The following MAF variants were observed in gnomAD, a reference collection of about 807,000 sequenced individuals.
MAF encodes MAF bZIP transcription factor.
A neutral mutation model predicts 22.0 loss-of-function variants in MAF; 10 were observed. That is an observed-to-expected ratio of 0.45 (90% CI 0.28 to 0.77). The LOEUF (loss-of-function observed/expected upper bound fraction) is 0.77. Among genes scored for constraint, MAF ranks in the 30% least tolerant of loss-of-function variants. The pLI is 0.12. For synonymous variants in MAF, 337 were observed against 255.8 expected, an observed-to-expected ratio of 1.32 and a Z score of -3.03; for missense variants, 544 against 548.4, an observed-to-expected ratio of 0.99 and a Z score of 0.08.
the MAF span, among the ~76,000 whole-genome samples, chr16:79,246,218 A>T: frequency 0.12 from 18,376 of 151,652 alleles, 1,382 homozygotes; most frequent in Middle Eastern, 0.21. Context: ...AAAGAAAATT[A>T]AAAAAAAATC....
At chr16:79,484,446 C>A in the MAF span, among the ~76,000 whole-genome samples, 1 of 152,168 alleles carries the variant, frequency 6.6e-6, no homozygotes, top group East Asian at 1.9e-4. Context: ...GCCTTTCTGG[C>A]CACAGACACG....
the MAF span, among the ~76,000 whole-genome samples, chr16:79,376,164 G>T: frequency 2.6e-5 from 4 of 151,506 alleles, no homozygotes; most frequent in East Asian, 7.7e-4. Context: ...TTACTTCTTC[G>T]TATGTATTAA....
chr16:79,339,173 C>G, the MAF span, among the ~76,000 whole-genome samples: 1 of 152,100 alleles, frequency 6.6e-6, no homozygotes, highest in Non-Finnish European at 1.5e-5. Flanking sequence ...GGGTTCACGC[C>G]ATTCTCCTGC....
chr16:79,471,755 C>T, the MAF span, among the ~76,000 whole-genome samples: 1 of 152,150 alleles, frequency 6.6e-6, no homozygotes, highest in Non-Finnish European at 1.5e-5. Flanking sequence ...TTGCCTAGGA[C>T]AGCTGATAAG....
the MAF span, among the ~76,000 whole-genome samples, chr16:79,426,709 C>A: frequency 6.6e-6 from 1 of 152,234 alleles, no homozygotes; most frequent in African/African-American, 2.4e-5. Flanking sequence ...GATTGATTCA[C>A]AGAAGGACAT....
the MAF span, among the ~76,000 whole-genome samples, chr16:79,236,756 A>G: frequency 6.6e-6 from 1 of 151,944 alleles, no homozygotes; most frequent in African/African-American, 2.4e-5. Context: ...CCCATTGAAG[A>G]AACAGGAGCT....
At chr16:79,425,095 G>C in the MAF span, among the ~76,000 whole-genome samples, 1 of 152,020 alleles carries the variant, frequency 6.6e-6, no homozygotes, top group Admixed American at 6.6e-5. Flanking sequence ...TATACCCAAA[G>C]ATGATGAATA....
At chr16:79,481,093 G>C in the MAF span, among the ~76,000 whole-genome samples, 1 of 152,098 alleles carries the variant, frequency 6.6e-6, no homozygotes, top group Non-Finnish European at 1.5e-5. Flanking sequence ...AGCTCCATAG[G>C]ACAGAATTCT....
chr16:79,264,822 G>A, the MAF span, among the ~76,000 whole-genome samples: 2 of 152,144 alleles, frequency 1.3e-5, no homozygotes, highest in African/African-American at 4.8e-5. Flanking sequence ...CTTCAAGACA[G>A]CGGTTCCTGC....
chr16:79,512,363 T>A, the MAF span, among the ~76,000 whole-genome samples: 1 of 152,136 alleles, frequency 6.6e-6, no homozygotes, highest in South Asian at 2.1e-4. Context: ...TTGAAGAAAA[T>A]GAACCTTCCA....
chr16:79,584,293 T>A (rs990597830), downstream of MAF, among the ~76,000 whole-genome samples: 2 of 152,176 alleles, frequency 1.3e-5, no homozygotes, highest in Non-Finnish European at 2.9e-5. Context: ...CAAAGTGACA[T>A]TCTGAAAATA....
At chr16:79,260,111 C>G in the MAF span, among the ~76,000 whole-genome samples, 1 of 152,192 alleles carries the variant, frequency 6.6e-6, no homozygotes, top group Non-Finnish European at 1.5e-5. Flanking sequence ...TTGCCATCAA[C>G]TAACAACTCC....
chr16:79,532,906 A>G, the MAF span, among the ~76,000 whole-genome samples: 1 of 152,188 alleles, frequency 6.6e-6, no homozygotes, highest in African/African-American at 2.4e-5. Flanking sequence ...AAAGAAAACA[A>G]ATATCCAAAT....
At chr16:79,467,883 C>A in the MAF span, among the ~76,000 whole-genome samples, 2 of 151,754 alleles carry the variant, frequency 1.3e-5, no homozygotes, top group Non-Finnish European at 1.5e-5. Flanking sequence ...GGCAGGCAAA[C>A]CTCCTCTCAA....
chr16:79,302,983 G>T, the MAF span, among the ~76,000 whole-genome samples: 13 of 152,188 alleles, frequency 8.5e-5, no homozygotes, highest in African/African-American at 3.1e-4. Context: ...CATTTTACTC[G>T]GCACTCCGGA....
the MAF span, among the ~76,000 whole-genome samples, chr16:79,318,030 G>C: frequency 6.6e-6 from 1 of 152,132 alleles, no homozygotes; most frequent in African/African-American, 2.4e-5. Flanking sequence ...TTCTTTTATG[G>C]CCTAGCTGAG....
the MAF span, among the ~76,000 whole-genome samples, chr16:79,338,166 G>A: frequency 2.0e-5 from 3 of 152,196 alleles, no homozygotes; most frequent in African/African-American, 7.2e-5. Context: ...GTTTGCAACA[G>A]TGAAATGCAT....
chr16:79,303,540 G>C, the MAF span, among the ~76,000 whole-genome samples: 1 of 152,206 alleles, frequency 6.6e-6, no homozygotes, highest in East Asian at 1.9e-4. Context: ...TGTTTCTCAG[G>C]GCTTCTGGTA....
At chr16:79,245,891 G>C in the MAF span, among the ~76,000 whole-genome samples, 1 of 152,020 alleles carries the variant, frequency 6.6e-6, no homozygotes, top group Non-Finnish European at 1.5e-5. Flanking sequence ...AAAAGGATGA[G>C]TTCATGTTTT....
Sources: allele counts gnomAD v4.1 joint callset (sites outside exome capture counted in the v4.1 genomes callset), GRCh38; gene constraint gnomAD v4.1.1; transcripts MANE v1.5; gene names NCBI Gene and HGNC (gene_info 2026-07-23, HGNC 2026-07-21).